Variants in RNF31 observed in about 807,000 individuals in gnomAD.
RNF31 encodes the protein E3 ubiquitin-protein ligase RNF31.
Under a neutral mutation model 133.6 loss-of-function variants are expected in RNF31, and 38 were observed. That is an observed-to-expected ratio of 0.28 (90% CI 0.22 to 0.37). RNF31 has a LOEUF of 0.37. Ranked by LOEUF, RNF31 falls within the 10% of genes least tolerant of loss-of-function variation. The pLI, the probability that RNF31 is intolerant of heterozygous loss-of-function variation, is 1.00. For synonymous variants in RNF31, 582 were observed against 552.3 expected, an observed-to-expected ratio of 1.05 and a Z score of -0.75; for missense variants, 1,118 against 1,394.1, an observed-to-expected ratio of 0.80 and a Z score of 3.15.
At position 24,148,805 on chromosome 14, in the gene RNF31, T is replaced by C. The variant is rs757525950; in HGVS notation, c.560T>C (p.Leu187Pro). 2 of 1,614,206 alleles carry C rather than the reference T, an allele frequency of 1.2e-6. No individual in the cohort carries two copies. The highest frequency in any genetic ancestry group is 2.2e-5 in the East Asian group (1 of 44,888). ...TCCCTGCCCTTTCTTTTTCAGATGC[T>C]GCAGCTTTCAGAATTTGACCCCCTA... ...LLEDKVEDDMLQLSEFDPLLR... is the reference protein window; with the variant it reads ...LLEDKVEDDMPQLSEFDPLLR... Residue 187 changes from leucine to proline, a missense_variant, in exon 5 of 21, where the codon CTG (leucine) becomes CCG (proline). By Grantham distance (98) the Leu-to-Pro change is moderately conservative. This residue lies in a region of RNF31 where 747 missense variants were observed against 827.9 expected (regional missense o/e 0.90). Coordinates refer to ENST00000324103, the MANE Select transcript of RNF31 (RefSeq NM_017999.5).
intron 11 of RNF31, among the ~76,000 whole-genome samples, chr14:24,153,415 A>G (rs1366683629): frequency 6.6e-6 from 1 of 151,948 alleles, no homozygotes; most frequent in Non-Finnish European, 1.5e-5. Flanking sequence ...CGTCTCTACT[A>G]AAAATACAAA....
At chr14:24,159,131 CG>C (rs1171449180) in intron 18 of RNF31, among the ~76,000 whole-genome samples, 1 of 149,550 alleles carries the variant, frequency 6.7e-6, no homozygotes, top group East Asian at 2.0e-4. Flanking sequence ...GATCACCTGA[CG>C]TCAGGAGTTC....
chr14:24,154,939 T>C, intron 11 of RNF31: 1 of 568,854 alleles, frequency 1.8e-6, no homozygotes, highest in Non-Finnish European at 3.1e-6. Flanking sequence ...TAGGCACTTT[T>C]GCCTTTACCT....
intron 11 of RNF31, among the ~76,000 whole-genome samples, chr14:24,153,301 G>A (rs569265479): frequency 3.3e-5 from 5 of 152,046 alleles, no homozygotes; most frequent in South Asian, 4.2e-4. Flanking sequence ...ATAAAGGTCC[G>A]GGCATGGTGG....
intron 5 of RNF31, 39 bp downstream of exon 5, chr14:24,148,915 A>G: frequency 6.5e-7 from 1 of 1,535,982 alleles, no homozygotes; most frequent in Non-Finnish European, 9.0e-7. Context: ...GTAGGAAGCT[A>G]TATTGATGGA....
At position 24,149,568 on chromosome 14, in the gene RNF31, C is replaced by T. The variant is rs746753298; in HGVS notation, c.794C>T (p.Thr265Ile). The T allele has an allele frequency of 1.2e-6, 2 of 1,613,288 alleles. No individual in the cohort carries two copies. The highest frequency in any genetic ancestry group is 1.3e-5 in the African/African-American group (1 of 75,006). The change falls in exon 6 of 21, where the codon ACC becomes ATC. Residue 265 changes from threonine to isoleucine, a missense_variant. Thr to Ile is a moderately conservative substitution (Grantham distance 89). This residue lies in a region of RNF31 where 747 missense variants were observed against 827.9 expected (regional missense o/e 0.90). Coordinates refer to ENST00000324103, the MANE Select transcript of RNF31 (RefSeq NM_017999.5). Reference sequence around the variant, plus strand: ...ACCCTGCCTGGGGTCCTGCAGGGTACCCACCTGAGCCCCAGGTGAGAGGGC... The same window carrying T: ...ACCCTGCCTGGGGTCCTGCAGGGTATCCACCTGAGCCCCAGGTGAGAGGGC... ...RQTLPGVLQG[T>I]HLSPSLPASA... is the part of the protein sequence containing the mutation.
chr14:24,151,414 A>G lies in RNF31; in HGVS notation c.1737+35A>G. On this transcript the variant is annotated intron_variant, in intron 9 of 20. Transcript: ENST00000324103. This position sits in a 1 kb window ranked among gnomAD's most constrained non-coding sequence, Gnocchi z 5.3. ...GTGCTGGATATGGGATAGGGTCGAG[A>G]GTCTGCATCTCTCACACTCTCCCTT... The G allele has an allele frequency of 6.2e-7, 1 of 1,613,402 alleles. No homozygotes were observed. Among genetic ancestry groups the G allele is most frequent in the Non-Finnish European group, 8.5e-7 (1 of 1,179,412 alleles).
intron 16 of RNF31, 31 bp from the exon 17 acceptor site, chr14:24,157,867 A>G (rs535859511): frequency 1.2e-5 from 19 of 1,589,684 alleles, no homozygotes; most frequent in Non-Finnish European, 1.6e-5. Context: ...ACAGTCTCCA[A>G]CTTCCTCTCT....
rs1293539809 is a variant in RNF31, at chr14:24,155,353, C to T, written c.2304+23C>T. ...CAGGTACTGCAGCCCCTCTAGGACT[C>T]AGGTACCCTGAGCTTTGAACAGGGA... On this transcript the variant is annotated intron_variant, in intron 12 of 20. Coordinates refer to ENST00000324103, the MANE Select transcript of RNF31 (RefSeq NM_017999.5). This position sits in a 1 kb window ranked among gnomAD's most constrained non-coding sequence, Gnocchi z 4.9. 1.9e-6 allele frequency: 3 copies of T among 1,614,152 alleles called. No homozygotes were observed. The highest frequency in any genetic ancestry group is 3.3e-5 in the Admixed American group (2 of 60,022).
Position 24,155,090 on chromosome 14 carries a change from A to G in RNF31, c.2131-67A>G. On this transcript the variant is annotated intron_variant, in intron 11 of 20. Transcript: ENST00000324103. This position sits in a 1 kb window ranked among gnomAD's most constrained non-coding sequence, Gnocchi z 4.9. ...CTGATTTCTTAGTGGACACCTGGCCACTGCCTCTTCCCTAGCCTGGCAGCT... is the reference window on the plus strand; with the variant it reads ...CTGATTTCTTAGTGGACACCTGGCCGCTGCCTCTTCCCTAGCCTGGCAGCT... The G allele has an allele frequency of 6.6e-7, 1 of 1,516,764 alleles. No individual in the cohort carries two copies. The highest frequency in any genetic ancestry group is 9.1e-7 in the Non-Finnish European group (1 of 1,103,878). The allele number at this position is 1,516,764 out of a possible 1,614,324, so 94.0% of individuals were successfully genotyped here.
intron 6 of RNF31, 22 bp downstream of exon 6, chr14:24,149,605 G>A (rs376067459): frequency 5.0e-6 from 8 of 1,599,982 alleles, no homozygotes; most frequent in Non-Finnish European, 6.8e-6. Context: ...TCTCTTCTGG[G>A]TGGGAGTGAA....
rs760235987 is a variant in RNF31 at position 24,149,512 on chromosome 14, A to G, written c.738A>G (p.Gly246=). Residue 246 remains glycine (G), a synonymous_variant, in exon 6 of 21, where the codon GGA becomes GGG. Coordinates refer to ENST00000324103, the MANE Select transcript of RNF31 (RefSeq NM_017999.5). ...LCPACDHLFH[G]HPSRAHHLRQ... ...CAGCCTGTGACCACCTGTTCCATGG[A>G]CACCCATCCCGTGCTCATCACCTCC... 44 of 1,613,836 alleles carry G rather than the reference A, an allele frequency of 2.7e-5. No individual in the cohort carries two copies. The highest frequency in any genetic ancestry group is 3.7e-5 in the Non-Finnish European group (44 of 1,179,996).
chr14:24,148,481 A>G, intron 3 of RNF31, 68 bp downstream of exon 3: 1 of 1,611,936 alleles, frequency 6.2e-7, no homozygotes, highest in Non-Finnish European at 8.5e-7. Flanking sequence ...AACTCAAGTA[A>G]GTTTGAGGAC....
rs199527364 is a variant in RNF31, at chr14:24,149,390, C to T, written c.632-16C>T. 6.2e-7 allele frequency: 1 copy of T among 1,604,108 alleles called. No homozygotes were observed. The highest frequency in any genetic ancestry group is 8.5e-7 in the Non-Finnish European group (1 of 1,172,604). ...GGTCTTTTTTGGAAAGATGTTCCATCTCTCCTGCCCTCCAGGCTCCACTCC... is the reference window on the plus strand; with the variant it reads ...GGTCTTTTTTGGAAAGATGTTCCATTTCTCCTGCCCTCCAGGCTCCACTCC... On this transcript the variant is annotated splice_polypyrimidine_tract_variant and intron_variant, in intron 5 of 20. Coordinates refer to ENST00000324103, the MANE Select transcript of RNF31 (RefSeq NM_017999.5).
At position 24,155,719 on chromosome 14, in the gene RNF31, T is replaced by TA; in HGVS notation, c.2493+28dup. The TA allele has an allele frequency of 1.3e-6, 2 of 1,593,946 alleles. No homozygotes were observed. The highest frequency in any genetic ancestry group is 1.7e-6 in the Non-Finnish European group (2 of 1,162,190). ...TGAGGCACATTCATCCTTTCAGAAATACTTGCTGAGCTACTGCCAGGTACT... is the reference window on the plus strand; with the variant it reads ...TGAGGCACATTCATCCTTTCAGAAATAACTTGCTGAGCTACTGCCAGGTACT... On this transcript the variant is annotated intron_variant, in intron 14 of 20. Coordinates refer to ENST00000324103, the MANE Select transcript of RNF31 (RefSeq NM_017999.5). This position sits in a 1 kb window ranked among gnomAD's most constrained non-coding sequence, Gnocchi z 4.9.
rs922601125 is a variant in RNF31 at position 24,150,981 on chromosome 14, T to A, written c.1488+93T>A. On this transcript the variant is annotated intron_variant, in intron 8 of 20. Coordinates refer to ENST00000324103, the MANE Select transcript of RNF31 (RefSeq NM_017999.5). ...ATAGTTTCTATGAATCTTGTTATTG[T>A]TAGCAGCAGCTGCCTGTTACTGAGG... 107 of 1,502,682 alleles carry A rather than the reference T, an allele frequency of 7.1e-5. No homozygotes were observed. In the Middle Eastern group the frequency reaches 2.9e-3, roughly 41 times the overall value. 93.1% of individuals were successfully genotyped at this position (1,502,682 alleles called of 1,614,324 possible). A position where few individuals can be genotyped will look rare whatever the true frequency, so the allele number is the denominator to read the frequency against.
At chr14:24,150,955 AAT>A in intron 8 of RNF31, 67 bp downstream of exon 8, 1 of 1,518,948 alleles carries the variant, frequency 6.6e-7, no homozygotes. Context: ...GCAGGTGGTT[AAT>A]AGTTTCTATG....
Position 24,155,540 on chromosome 14 carries a change from G to C in RNF31, c.2403+28G>C. The stretch of plus-strand genomic sequence containing the variant: ...AAGTGGCCTGCCCAGGGCAGCTACT[G>C]TGGAGGGGCAGGGGATGGTTCCAGG... On this transcript the variant is annotated intron_variant, in intron 13 of 20. Coordinates refer to ENST00000324103, the MANE Select transcript of RNF31 (RefSeq NM_017999.5). This position sits in a 1 kb window ranked among gnomAD's most constrained non-coding sequence, Gnocchi z 4.9. 1 of 1,613,440 alleles carries C rather than the reference G, an allele frequency of 6.2e-7. No homozygotes were observed. The highest frequency in any genetic ancestry group is 8.5e-7 in the Non-Finnish European group (1 of 1,179,324).
At chr14:24,152,239 C>T (rs889744087) in intron 11 of RNF31, among the ~76,000 whole-genome samples, 1 of 133,034 alleles carries the variant, frequency 7.5e-6, no homozygotes, top group Non-Finnish European at 1.7e-5. Context: ...AATTCCCATA[C>T]CCCCCTGCAA....
Sources: gnomAD v4.1 joint callset for allele counts (sites outside exome capture counted in the v4.1 genomes callset) on GRCh38, gnomAD v4.1.1 for gene constraint, gnomAD v4.1.1 regional missense constraint, Gnocchi (gnomAD v3.1) non-coding constraint, MANE v1.5 for transcripts, NCBI Gene and HGNC (gene_info 2026-07-23, HGNC 2026-07-21) for gene names.